Variants in PPM1H observed in about 807,000 individuals in gnomAD.
The protein encoded by PPM1H is protein phosphatase, Mg2+/Mn2+ dependent 1H.
Under a neutral mutation model 54.9 loss-of-function variants are expected in PPM1H, and 27 were observed. The observed-to-expected ratio is 0.49, with a 90% confidence interval of 0.36 to 0.68. The LOEUF is 0.68. Ranked by LOEUF, PPM1H falls within the 30% of genes least tolerant of loss-of-function variation. The pLI is 0.00. For synonymous variants in PPM1H, 305 were observed against 270.8 expected (o/e 1.13, Z -1.24); for missense variants, 596 against 667.8 (o/e 0.89, Z 1.19).
chr12:62,852,531 A>T (rs1819847070), intron 1 of PPM1H, among the ~76,000 whole-genome samples: 2 of 152,194 alleles, frequency 1.3e-5, no homozygotes, highest in South Asian at 4.1e-4. Context: ...CCAGACTAAG[A>T]AATAATAAAG....
chr12:62,682,229 T>A (rs1400623740), intron 8 of PPM1H, among the ~76,000 whole-genome samples: 1 of 152,258 alleles, frequency 6.6e-6, no homozygotes, highest in Non-Finnish European at 1.5e-5. Context: ...TATGCTTTTT[T>A]CTGCATATCA....
intron 1 of PPM1H, among the ~76,000 whole-genome samples, chr12:62,930,158 G>A (rs1451972052): frequency 1.3e-5 from 2 of 152,172 alleles, no homozygotes; most frequent in Non-Finnish European, 2.9e-5. Context: ...CAGACAGCCT[G>A]CAGAGTCCAA....
At chr12:62,915,010 T>A (rs1273687915) in intron 1 of PPM1H, among the ~76,000 whole-genome samples, 1 of 152,230 alleles carries the variant, frequency 6.6e-6, no homozygotes, top group Non-Finnish European at 1.5e-5. Flanking sequence ...CCTCATGTCA[T>A]TCCCAATACT....
At position 62,781,301 on chromosome 12, in the gene PPM1H, C is replaced by T. The variant is rs115337300; in HGVS notation, c.869+6925G>A. Among the ~76,000 whole-genome samples the T allele has an allele frequency of 7.0e-3, 1,072 of 152,342 alleles. 12 individuals are homozygous for T. The highest frequency in any genetic ancestry group is 0.025 in the African/African-American group (1,037 of 41,574). On this transcript the variant is annotated intron_variant, in intron 4 of 9. Transcript: ENST00000228705. ...TGTCAGGCTGGCAGAAAGGAATCTGCAGTCAGCCGGCCCAGGTACAGGCAG... is the reference window on the plus strand; with the variant it reads ...TGTCAGGCTGGCAGAAAGGAATCTGTAGTCAGCCGGCCCAGGTACAGGCAG...
chr12:62,700,908 C>T (rs980176389), intron 6 of PPM1H, among the ~76,000 whole-genome samples: 1 of 152,144 alleles, frequency 6.6e-6, no homozygotes, highest in African/African-American at 2.4e-5. Context: ...TTTCCTAGTC[C>T]CCTTTCCTGC....
At chr12:62,668,458 C>T (rs990622400) in intron 8 of PPM1H, among the ~76,000 whole-genome samples, 1 of 152,222 alleles carries the variant, frequency 6.6e-6, no homozygotes, top group Non-Finnish European at 1.5e-5. Context: ...TCACTGCAAC[C>T]TTCGCCTCCA....
In PPM1H at chr12:62,818,152, C is replaced by T. The variant is rs552130973; in HGVS notation, c.411+13962G>A. Among the ~76,000 whole-genome samples, 5 of 152,288 alleles carry T rather than the reference C, an allele frequency of 3.3e-5. No individual in the cohort carries two copies. The East Asian group carries it at 5.8e-4, about 18-fold the overall frequency. On this transcript the variant is annotated intron_variant, in intron 2 of 9. Transcript: ENST00000228705. ...CAATACCCTAAATATTTCCCACCCA[C>T]GCATCTTATGTAAGTACACGCACTT...
At chr12:62,814,240 G>A (rs936260604) in intron 2 of PPM1H, among the ~76,000 whole-genome samples, 2 of 151,944 alleles carry the variant, frequency 1.3e-5, no homozygotes, top group East Asian at 1.9e-4. Context: ...ACCACACCAG[G>A]CTTTATTTTT....
Position 62,914,313 on chromosome 12 carries a change from G to A in PPM1H, c.245+20179C>T, listed in dbSNP as rs150831052. Among the ~76,000 whole-genome samples, 904 of 152,304 alleles carry A rather than the reference G, an allele frequency of 5.9e-3. 3 individuals carry two copies. The highest frequency in any genetic ancestry group is 0.01 in the Middle Eastern group (3 of 294). On this transcript the variant is annotated intron_variant, in intron 1 of 9. Coordinates refer to ENST00000228705, the MANE Select transcript of PPM1H (RefSeq NM_020700.2). ...TGAGTGGAAGCAGCCAGAGGCTTTC[G>A]CCAGATGCCCAATCTTCCAGCCAGA...
intron 4 of PPM1H, among the ~76,000 whole-genome samples, chr12:62,752,121 G>A (rs1412114794): frequency 1.3e-5 from 2 of 152,238 alleles, no homozygotes; most frequent in African/African-American, 4.8e-5. Context: ...TATGAATTAA[G>A]TATACTGGGA....
intron 4 of PPM1H, among the ~76,000 whole-genome samples, chr12:62,783,893 A>G (rs1369705808): frequency 2.0e-5 from 3 of 152,200 alleles, no homozygotes; most frequent in Non-Finnish European, 4.4e-5. Flanking sequence ...TTCTCTAGAG[A>G]TGAAATGAAA....
chr12:62,802,137 G>A lies in PPM1H; in HGVS notation c.435C>T (p.His145=), dbSNP rs769516025. ...CGTGCCCGTCAAACAGCGACCAATA[G>A]TGGCAGGAAACACCCTCGGATTCCT... The part of the protein sequence containing the change: ...ENSESEGVSC[H]YWSLFDGHAG... The change falls in exon 3 of 10, where the codon CAC becomes CAT. Residue 145 remains histidine, a synonymous_variant. Transcript: ENST00000228705. 2 of 1,577,184 alleles carry A rather than the reference G, an allele frequency of 1.3e-6. No individual in the cohort carries two copies. The highest frequency in any genetic ancestry group is 1.7e-6 in the Non-Finnish European group (2 of 1,159,774).
chr12:62,735,676 T>C (rs2076346079), intron 5 of PPM1H, among the ~76,000 whole-genome samples: 1 of 152,120 alleles, frequency 6.6e-6, no homozygotes, highest in African/African-American at 2.4e-5. Flanking sequence ...AGCAACACCA[T>C]ATGCTGAGAG....
chr12:62,808,719 C>A (rs2076819425), intron 2 of PPM1H, among the ~76,000 whole-genome samples: 1 of 152,162 alleles, frequency 6.6e-6, no homozygotes. Context: ...TAAATATCAT[C>A]TCCTTCCAGA....
At chr12:62,771,682 T>G (rs2076580900) in intron 4 of PPM1H, among the ~76,000 whole-genome samples, 1 of 152,250 alleles carries the variant, frequency 6.6e-6, no homozygotes, top group South Asian at 2.1e-4. Context: ...TCACTGTTGA[T>G]AACTAGCATT....
At chr12:62,832,429 G>A in intron 1 of PPM1H, 150 bp from the exon 2 acceptor site, 1 of 737,704 alleles carries the variant, frequency 1.4e-6, no homozygotes, top group South Asian at 2.0e-5. Flanking sequence ...GGTATTTTAT[G>A]TTCCCAAATA....
chr12:62,832,376 C>T (rs1868379809), intron 1 of PPM1H, 97 bp from the exon 2 acceptor site: 1 of 1,161,822 alleles, frequency 8.6e-7, no homozygotes. Flanking sequence ...TACAACTGGC[C>T]CAGAACTACA....
chr12:62,933,617 G>C (rs1269880979), intron 1 of PPM1H, among the ~76,000 whole-genome samples: 1 of 152,166 alleles, frequency 6.6e-6, no homozygotes. Flanking sequence ...TACAGCTGAG[G>C]TAGTAGATAG....
chr12:62,671,896 C>T (rs2075958737), intron 8 of PPM1H, among the ~76,000 whole-genome samples: 1 of 152,202 alleles, frequency 6.6e-6, no homozygotes, highest in African/African-American at 2.4e-5. Context: ...ACAATCCTTT[C>T]ACACCCACTA....
Sources: gnomAD v4.1 joint callset for allele counts (sites outside exome capture counted in the v4.1 genomes callset) on GRCh38, gnomAD v4.1.1 for gene constraint, MANE v1.5 for transcripts, NCBI Gene and HGNC (gene_info 2026-07-23, HGNC 2026-07-21) for gene names.